Variants in SAR1B observed in about 807,000 individuals in gnomAD.
The protein encoded by SAR1B is secretion associated Ras related GTPase 1B.
A neutral mutation model predicts 26.8 loss-of-function variants in SAR1B; 23 were observed. The observed-to-expected ratio is 0.86, with a 90% CI of 0.62 to 1.22. The LOEUF (loss-of-function observed/expected upper bound fraction) is 1.22, where lower values mean the gene tolerates loss of function less well. Among genes scored for constraint, SAR1B ranks in the 50% most tolerant of loss-of-function variants. SAR1B has a pLI of 0.00. For missense variants in SAR1B, 196 were observed against 232.8 expected (o/e 0.84, Z 1.03); for synonymous variants, 65 against 80.8 (o/e 0.80, Z 1.05).
intron 1 of SAR1B, among the ~76,000 whole-genome samples, chr5:134,627,225 A>G (rs975098357): frequency 7.9e-4 from 120 of 151,624 alleles, no homozygotes; most frequent in African/African-American, 2.7e-3. Context: ...CTAATTTTTT[A>G]TATTTTTAGT....
At chr5:134,628,972 A>G (rs1765550269) in intron 1 of SAR1B, among the ~76,000 whole-genome samples, 1 of 152,036 alleles carries the variant, frequency 6.6e-6, no homozygotes, top group Non-Finnish European at 1.5e-5. Flanking sequence ...TTTTTAAATT[A>G]CCTGGGTATG....
chr5:134,622,702 G>A (rs1176613342), intron 2 of SAR1B, among the ~76,000 whole-genome samples: 8 of 150,972 alleles, frequency 5.3e-5, no homozygotes, highest in Non-Finnish European at 8.8e-5. Context: ...GAGCCACCGC[G>A]CCCGGCCTTA....
chr5:134,625,118 G>T (rs1410606186), intron 1 of SAR1B, among the ~76,000 whole-genome samples: 1 of 152,210 alleles, frequency 6.6e-6, no homozygotes, highest in Non-Finnish European at 1.5e-5. Context: ...CAGAAAATTT[G>T]TGGAGGTGGT....
chr5:134,627,200 T>C (rs1314245065), intron 1 of SAR1B, among the ~76,000 whole-genome samples: 6 of 151,926 alleles, frequency 3.9e-5, no homozygotes, highest in South Asian at 2.1e-4. Context: ...TACAGGAGCC[T>C]GCCACCACGC....
intron 1 of SAR1B, among the ~76,000 whole-genome samples, chr5:134,629,602 C>T (rs1040069943): frequency 1.2e-4 from 18 of 151,996 alleles, no homozygotes; most frequent in Non-Finnish European, 2.4e-4. Context: ...GAGGCTGAGG[C>T]AGGAGAATCG....
At chr5:134,620,620 G>A (rs779051299) in intron 3 of SAR1B, among the ~76,000 whole-genome samples, 8 of 152,074 alleles carry the variant, frequency 5.3e-5, no homozygotes, top group African/African-American at 1.4e-4. Context: ...CAATACTTTC[G>A]GAGGCTGAGA....
intron 3 of SAR1B, among the ~76,000 whole-genome samples, chr5:134,615,418 G>GGCAGGAGAATCACTTGAAC (rs1765291978): frequency 6.6e-6 from 1 of 152,020 alleles, no homozygotes; most frequent in Non-Finnish European, 1.5e-5. Flanking sequence ...AGGAGGCTGA[G>GGCAGGAGAATCACTTGAAC]GCAGGAGAAT....
chr5:134,610,376 A>G (rs1765193446), intron 4 of SAR1B, among the ~76,000 whole-genome samples: 1 of 152,120 alleles, frequency 6.6e-6, no homozygotes, highest in African/African-American at 2.4e-5. Context: ...TGGGAGGCTG[A>G]GGCAGGTGGA....
intron 4 of SAR1B, 32 bp downstream of exon 4, chr5:134,612,639 TCTAAAAAAAAAAAAAAAAAA>T: frequency 1.0e-6 from 1 of 974,392 alleles, no homozygotes; most frequent in African/African-American, 3.9e-5. Flanking sequence ...AGTGAGCCTG[TCTAAAAAAAAAAAAAAAAAA>T]AAAAAAAAAA....
chr5:134,619,071 T>G (rs910606997), intron 3 of SAR1B, among the ~76,000 whole-genome samples: 5 of 151,838 alleles, frequency 3.3e-5, no homozygotes, highest in Non-Finnish European at 7.4e-5. Context: ...GGCTCATGCC[T>G]GTAATCCCAG....
intron 2 of SAR1B, among the ~76,000 whole-genome samples, chr5:134,622,324 C>G (rs1765423434): frequency 1.3e-5 from 2 of 151,946 alleles, no homozygotes; most frequent in South Asian, 4.2e-4. Context: ...AAGTAATTTG[C>G]CCAAGATTAC....
At position 134,606,642 on chromosome 5, in the gene SAR1B, G is replaced by T; in HGVS notation, c.*308C>A. The T allele has an allele frequency of 3.2e-6, 1 of 308,692 alleles. No homozygotes were observed. 19.1% of individuals were successfully genotyped at this position (308,692 alleles called of 1,614,324 possible). ...TTTTAAATATGGTTTATAGTTTCAT[G>T]TTGTTAAAAAGTGCTTCAAATGTAC... On this transcript the variant is annotated 3_prime_UTR_variant, in exon 7 of 7. Coordinates refer to ENST00000402673, the MANE Select transcript of SAR1B (RefSeq NM_016103.4).
intron 2 of SAR1B, among the ~76,000 whole-genome samples, chr5:134,623,565 C>T (rs1765449027): frequency 6.7e-6 from 1 of 149,626 alleles, no homozygotes; most frequent in African/African-American, 2.5e-5. Context: ...TTAAAAACTG[C>T]TATTTATGGT....
intron 4 of SAR1B, among the ~76,000 whole-genome samples, chr5:134,610,272 G>T (rs1394046088): frequency 6.6e-6 from 1 of 151,932 alleles, no homozygotes; most frequent in Non-Finnish European, 1.5e-5. Context: ...TTCAAGACCA[G>T]CCTGGACAAC....
At chr5:134,627,677 T>C (rs1169201910) in intron 1 of SAR1B, among the ~76,000 whole-genome samples, 2 of 151,636 alleles carry the variant, frequency 1.3e-5, no homozygotes, top group East Asian at 2.0e-4. Context: ...TGGACGCCTG[T>C]AGTCCCAGCT....
intron 3 of SAR1B, chr5:134,613,021 C>A: frequency 6.4e-6 from 3 of 467,952 alleles, no homozygotes; most frequent in Non-Finnish European, 7.6e-6. Flanking sequence ...TACACTGGTC[C>A]AAGCAAGCAT....
intron 4 of SAR1B, among the ~76,000 whole-genome samples, chr5:134,610,412 C>T (rs1238108635): frequency 6.6e-6 from 1 of 151,898 alleles, no homozygotes; most frequent in African/African-American, 2.4e-5. Context: ...AGTTGGAGAC[C>T]AACCTGGCCA....
At chr5:134,612,822 G>T in intron 3 of SAR1B, 66 bp from the exon 4 acceptor site, 1 of 1,431,680 alleles carries the variant, frequency 7.0e-7, no homozygotes, top group East Asian at 2.3e-5. Flanking sequence ...AAAAAGTAAA[G>T]TAGAGGTTCC....
intron 1 of SAR1B, among the ~76,000 whole-genome samples, chr5:134,628,842 G>C (rs1342685102): frequency 2.0e-5 from 3 of 151,862 alleles, no homozygotes; most frequent in Non-Finnish European, 4.4e-5. Flanking sequence ...TTCTAGTAGG[G>C]ACAGGGTTTC....
Sources: gnomAD v4.1 joint callset for allele counts (sites outside exome capture counted in the v4.1 genomes callset) on GRCh38, gnomAD v4.1.1 for gene constraint, MANE v1.5 for transcripts, NCBI Gene and HGNC (gene_info 2026-07-23, HGNC 2026-07-21) for gene names.